CSMD3: variants seen among roughly 807,000 people sequenced by gnomAD.
CSMD3 encodes CUB and Sushi multiple domains 3.
A neutral mutation model predicts 435.2 loss-of-function variants in CSMD3; 177 were observed. That is an observed-to-expected ratio of 0.41 (90% CI 0.36 to 0.46). The LOEUF (loss-of-function observed/expected upper bound fraction) is 0.46, where lower values mean the gene tolerates loss of function less well. Ranked by LOEUF, CSMD3 falls within the 20% of genes least tolerant of loss-of-function variation. The pLI is 0.34. For synonymous variants in CSMD3, 1,656 were observed against 1,520.5 expected (o/e 1.09, Z -2.07); for missense variants, 4,265 against 4,504.6 (o/e 0.95, Z 1.52).
chr8:113,167,478 C>A (rs2092175128), intron 4 of CSMD3, among the ~76,000 whole-genome samples: 1 of 152,146 alleles, frequency 6.6e-6, no homozygotes, highest in Admixed American at 6.5e-5. Flanking sequence ...AAAGACAAAT[C>A]ATGTTGCCTT....
rs561181458 is a variant in CSMD3, at chr8:113,112,965, C to T, written c.710-14002G>A. Among the ~76,000 whole-genome samples, 17 of 152,264 alleles carry T rather than the reference C, an allele frequency of 1.1e-4. No homozygotes were observed. In the East Asian group the frequency reaches 2.9e-3, roughly 26 times the overall value. ...CAGTGCAATCCCATAACATGGGGGC[C>T]TTCCCTTAAAAGAACACAAAAAGGC... On this transcript the variant is annotated intron_variant, in intron 4 of 70. Transcript: ENST00000297405.
At chr8:113,078,785 C>T (rs1261217615) in intron 5 of CSMD3, among the ~76,000 whole-genome samples, 1 of 152,118 alleles carries the variant, frequency 6.6e-6, no homozygotes, top group African/African-American at 2.4e-5. Flanking sequence ...AGAGTAATAG[C>T]TGCACAGAGT....
intron 28 of CSMD3, among the ~76,000 whole-genome samples, chr8:112,511,409 A>G (rs1231944674): frequency 1.1e-5 from 1 of 91,528 alleles, no homozygotes; most frequent in African/African-American, 4.3e-5. Flanking sequence ...TTTTTTTTTG[A>G]GATGGAGTCT....
intron 3 of CSMD3, among the ~76,000 whole-genome samples, chr8:113,190,022 T>C (rs138993984): frequency 1.9e-4 from 29 of 151,872 alleles, no homozygotes; most frequent in African/African-American, 6.5e-4. Context: ...TCATGTGTTA[T>C]AAATTTATAA....
chr8:113,125,654 A>C (rs1384373021), intron 4 of CSMD3, among the ~76,000 whole-genome samples: 1 of 151,996 alleles, frequency 6.6e-6, no homozygotes, highest in Non-Finnish European at 1.5e-5. Context: ...TGGCCAGTAA[A>C]GTGAAATTAA....
At chr8:113,049,216 G>A (rs1587966020) in intron 5 of CSMD3, among the ~76,000 whole-genome samples, 1 of 152,120 alleles carries the variant, frequency 6.6e-6, no homozygotes, top group South Asian at 2.1e-4. Flanking sequence ...TCCAGCCTAG[G>A]TGACAGAGCG....
intron 22 of CSMD3, among the ~76,000 whole-genome samples, chr8:112,597,384 C>T (rs1831834346): frequency 6.8e-6 from 1 of 147,758 alleles, no homozygotes. Flanking sequence ...AATAGTTTAC[C>T]AACCAAAAAG....
rs1479211391 is a variant in CSMD3, at chr8:113,177,770, G to C, written c.515-3854C>G. ...TATTTAGTCTAATTAAAATCCATCT[G>C]GTTTTGGCTGGAAATATGTATATTT... On this transcript the variant is annotated intron_variant, in intron 3 of 70. Coordinates refer to ENST00000297405, the MANE Select transcript of CSMD3 (RefSeq NM_198123.2). Among the ~76,000 whole-genome samples the C allele has an allele frequency of 5.3e-5, 8 of 151,752 alleles. No individual in the cohort carries two copies. In the Admixed American group the frequency reaches 5.3e-4, roughly 10 times the overall value.
At chr8:112,821,864 A>G (rs1400857513) in intron 12 of CSMD3, among the ~76,000 whole-genome samples, 1 of 152,212 alleles carries the variant, frequency 6.6e-6, no homozygotes, top group African/African-American at 2.4e-5. Context: ...AGTTTTCTGC[A>G]TATGGCTAGC....
intron 3 of CSMD3, among the ~76,000 whole-genome samples, chr8:113,181,613 T>C (rs146649203): frequency 2.3e-3 from 344 of 152,214 alleles, no homozygotes; most frequent in African/African-American, 7.9e-3. Flanking sequence ...ATTTTTGTTT[T>C]GTAAACTCTA....
chr8:113,328,727 C>CT (rs1554611986), intron 1 of CSMD3, among the ~76,000 whole-genome samples: 1 of 87,278 alleles, frequency 1.1e-5, no homozygotes, highest in African/African-American at 5.3e-5. Context: ...TCTTTCCTTC[C>CT]TTCTTTTCTT....
intron 30 of CSMD3, among the ~76,000 whole-genome samples, chr8:112,498,369 T>G (rs1033144503): frequency 7.9e-5 from 12 of 152,262 alleles, no homozygotes; most frequent in Middle Eastern, 3.4e-3. Context: ...AGCATGAATC[T>G]TAAGTTTTTG....
At chr8:112,380,483 C>A (rs1185715105) in intron 37 of CSMD3, 27 bp from the exon 38 acceptor site, 2 of 1,093,730 alleles carry the variant, frequency 1.8e-6, no homozygotes, top group Non-Finnish European at 2.8e-6. Flanking sequence ...GAAGGCAAGA[C>A]AATGACCACA....
intron 24 of CSMD3, among the ~76,000 whole-genome samples, chr8:112,558,095 G>A (rs1367951542): frequency 6.6e-6 from 1 of 151,844 alleles, no homozygotes; most frequent in Non-Finnish European, 1.5e-5. Context: ...GGCATGCTGA[G>A]TGCTTTGAAT....
chr8:112,583,260 T>C (rs1830468075), intron 23 of CSMD3, among the ~76,000 whole-genome samples: 1 of 151,856 alleles, frequency 6.6e-6, no homozygotes, highest in Non-Finnish European at 1.5e-5. Flanking sequence ...TCTACTGAAA[T>C]AGAGAAAAAT....
At chr8:113,059,714 T>C (rs2088519566) in intron 5 of CSMD3, among the ~76,000 whole-genome samples, 1 of 152,162 alleles carries the variant, frequency 6.6e-6, no homozygotes, top group Non-Finnish European at 1.5e-5. Context: ...ACTTTAAAGA[T>C]ATCAGCTATT....
intron 5 of CSMD3, among the ~76,000 whole-genome samples, chr8:113,030,376 T>G (rs2087044383): frequency 8.7e-6 from 1 of 114,326 alleles, no homozygotes; most frequent in Non-Finnish European, 1.7e-5. Flanking sequence ...GATTTCAAAC[T>G]ACAGTATAAG....
At chr8:113,270,088 A>G (rs1270945877) in intron 3 of CSMD3, among the ~76,000 whole-genome samples, 1 of 152,052 alleles carries the variant, frequency 6.6e-6, no homozygotes, top group Non-Finnish European at 1.5e-5. Flanking sequence ...AATATCCAGA[A>G]TCTACAATGA....
At chr8:112,692,457 G>A (rs750258325) in intron 13 of CSMD3, among the ~76,000 whole-genome samples, 8 of 152,040 alleles carry the variant, frequency 5.3e-5, no homozygotes, top group Non-Finnish European at 8.8e-5. Flanking sequence ...TATGTATATC[G>A]AGGTCTTGCA....
Sources: allele counts gnomAD v4.1 joint callset (sites outside exome capture counted in the v4.1 genomes callset), GRCh38; gene constraint gnomAD v4.1.1; transcripts MANE v1.5; gene names NCBI Gene and HGNC (gene_info 2026-07-23, HGNC 2026-07-21).